LRRC4C: variants seen among roughly 807,000 people sequenced by gnomAD.
LRRC4C encodes leucine rich repeat containing 4C, also known as leucine-rich repeat-containing protein 4C.
LRRC4C carries 5 observed loss-of-function variants against 33.6 expected under a neutral mutation model. The ratio of observed to expected loss-of-function variants is 0.15; its 90% confidence interval spans 0.08 to 0.31. The LOEUF is 0.31. Ranked by LOEUF, LRRC4C falls within the 10% of genes least tolerant of loss-of-function variation. The probability of loss-of-function intolerance (pLI) is 1.00; values close to 1 mark genes in which losing one functional copy is unlikely to be tolerated. For missense variants in LRRC4C, 560 were observed against 796.7 expected (o/e 0.70, Z 3.58); for synonymous variants, 329 against 302.0 (o/e 1.09, Z -0.93).
chr11:40,592,717 G>T (rs954855445), intron 3 of LRRC4C, among the ~76,000 whole-genome samples: 1 of 152,084 alleles, frequency 6.6e-6, no homozygotes, highest in Non-Finnish European at 1.5e-5. Flanking sequence ...TCCTTCCAGT[G>T]TTCCAAGACA....
At chr11:40,408,539 A>G (rs1241642113) in intron 3 of LRRC4C, among the ~76,000 whole-genome samples, 1 of 151,922 alleles carries the variant, frequency 6.6e-6, no homozygotes, top group Non-Finnish European at 1.5e-5. Context: ...TTAGAAAAGG[A>G]TAGAGGTTAA....
chr11:40,987,663 TG>T (rs1346319935), intron 1 of LRRC4C, among the ~76,000 whole-genome samples: 1,741 of 77,910 alleles, frequency 0.022, 97 homozygotes, highest in African/African-American at 0.052. Context: ...CTCATATATA[TG>T]AGATATAAAT....
intron 1 of LRRC4C, among the ~76,000 whole-genome samples, chr11:41,447,250 A>G (rs1274871257): frequency 6.6e-6 from 1 of 152,210 alleles, no homozygotes; most frequent in Non-Finnish European, 1.5e-5. Context: ...TAAACTAGAC[A>G]TAATAATATT....
intron 1 of LRRC4C, among the ~76,000 whole-genome samples, chr11:41,308,495 G>C (rs1298479846): frequency 6.6e-6 from 1 of 152,060 alleles, no homozygotes; most frequent in African/African-American, 2.4e-5. Context: ...TGCTGGGTGG[G>C]GACAGGGGCA....
At chr11:40,600,235 G>T (rs1959844344) in intron 3 of LRRC4C, among the ~76,000 whole-genome samples, 1 of 152,190 alleles carries the variant, frequency 6.6e-6, no homozygotes, top group African/African-American at 2.4e-5. Flanking sequence ...CTGTGTTCCA[G>T]ATACTATGCT....
At chr11:40,209,690 G>C (rs1036265120) in intron 5 of LRRC4C, among the ~76,000 whole-genome samples, 4 of 152,062 alleles carry the variant, frequency 2.6e-5, no homozygotes, top group African/African-American at 7.2e-5. Context: ...CTACAGGTGT[G>C]ACAAAAATAT....
intron 1 of LRRC4C, among the ~76,000 whole-genome samples, chr11:41,015,221 A>G (rs1185831697): frequency 6.6e-6 from 1 of 152,208 alleles, no homozygotes. Flanking sequence ...TTTATTTACA[A>G]TCACACTATT....
At chr11:40,258,201 C>A (rs1867376349) in intron 4 of LRRC4C, among the ~76,000 whole-genome samples, 1 of 152,024 alleles carries the variant, frequency 6.6e-6, no homozygotes, top group African/African-American at 2.4e-5. Flanking sequence ...GTGCTCAACT[C>A]CTTGGTCTTC....
Position 40,116,229 on chromosome 11 carries a change from G to T in LRRC4C, c.64C>A (p.Leu22Ile). The change falls in exon 7 of 7, where the codon CTA (leucine) becomes ATA (isoleucine). Residue 22 changes from leucine (L) to isoleucine (I), a missense_variant. Physicochemically the swap from Leu to Ile is conservative, Grantham distance 5. Coordinates refer to ENST00000528697, the MANE Select transcript of LRRC4C (RefSeq NM_001258419.2). ...IMIGPRFNRA[L>I]FDPLLVVLLA... ...AGCACCACAAGCAGGGGGTCAAATA[G>T]GGCCCTGTTAAACCTAGGACCTATC... is the stretch of plus-strand genomic sequence containing the variant. 6.2e-7 allele frequency: 1 copy of T among 1,614,080 alleles called. No homozygotes were observed.
intron 1 of LRRC4C, among the ~76,000 whole-genome samples, chr11:41,250,690 G>T (rs532822650): frequency 7.4e-4 from 113 of 152,228 alleles, no homozygotes; most frequent in African/African-American, 2.3e-3. Context: ...TGAGTGTTCT[G>T]CTCCCAATAA....
chr11:40,529,036 AAAAT>A (rs1956170825), intron 3 of LRRC4C, among the ~76,000 whole-genome samples: 3 of 152,156 alleles, frequency 2.0e-5, no homozygotes, highest in East Asian at 1.9e-4. Context: ...TCAGTTACAT[AAAAT>A]AAATATGTTT....
intron 1 of LRRC4C, among the ~76,000 whole-genome samples, chr11:41,176,927 T>C (rs963173759): frequency 6.6e-6 from 1 of 152,020 alleles, no homozygotes; most frequent in African/African-American, 2.4e-5. Flanking sequence ...ATTGCGCCAC[T>C]GCACTCCAGC....
intron 3 of LRRC4C, among the ~76,000 whole-genome samples, chr11:40,358,281 T>C (rs1387881899): frequency 6.6e-6 from 1 of 151,958 alleles, no homozygotes; most frequent in Non-Finnish European, 1.5e-5. Context: ...CTCCCCAAAC[T>C]CCTTTTTTTG....
chr11:41,076,604 G>C (rs1197275538), intron 1 of LRRC4C, among the ~76,000 whole-genome samples: 1 of 152,042 alleles, frequency 6.6e-6, no homozygotes, highest in Non-Finnish European at 1.5e-5. Context: ...CTCCCTACTG[G>C]GCCCCACCTT....
At chr11:40,940,024 A>G (rs1020962243) in intron 1 of LRRC4C, among the ~76,000 whole-genome samples, 1 of 152,128 alleles carries the variant, frequency 6.6e-6, no homozygotes, top group Non-Finnish European at 1.5e-5. Flanking sequence ...GTTTGGTTCT[A>G]TCTCTCAAGT....
chr11:40,180,253 T>TC (rs1175770158), intron 5 of LRRC4C, among the ~76,000 whole-genome samples: 2 of 152,238 alleles, frequency 1.3e-5, no homozygotes, highest in African/African-American at 4.8e-5. Flanking sequence ...AACTCATGTA[T>TC]CGTAACACAA....
intron 3 of LRRC4C, among the ~76,000 whole-genome samples, chr11:40,533,713 T>C (rs773413625): frequency 2.6e-5 from 4 of 152,130 alleles, no homozygotes; most frequent in Admixed American, 6.6e-5. Context: ...ATGTGATTAT[T>C]TGGGACACAG....
intron 3 of LRRC4C, among the ~76,000 whole-genome samples, chr11:40,477,636 C>T (rs11035857): frequency 0.12 from 18,973 of 151,916 alleles, 1,268 homozygotes; most frequent in East Asian, 0.15. Flanking sequence ...TTGACTACCA[C>T]TTAATTTTTT....
intron 3 of LRRC4C, among the ~76,000 whole-genome samples, chr11:40,411,132 AT>A (rs1446559047): frequency 1.3e-5 from 2 of 152,096 alleles, no homozygotes; most frequent in Non-Finnish European, 2.9e-5. Context: ...GAAGGAACTG[AT>A]TGATAATATT....
Sources: allele counts gnomAD v4.1 joint callset (sites outside exome capture counted in the v4.1 genomes callset), GRCh38; gene constraint gnomAD v4.1.1; transcripts MANE v1.5; gene names NCBI Gene and HGNC (gene_info 2026-07-23, HGNC 2026-07-21).